Variants in ENPEP observed in about 807,000 individuals in gnomAD.
ENPEP encodes glutamyl aminopeptidase, also known as AP-A.
A neutral mutation model predicts 114.5 loss-of-function variants in ENPEP; 103 were observed. That is an observed-to-expected ratio of 0.90 (90% CI 0.77 to 1.06). The LOEUF (loss-of-function observed/expected upper bound fraction) is 1.06. ENPEP is among the 50% of genes least tolerant of loss of function. ENPEP has a pLI of 0.00. For synonymous variants in ENPEP, 420 were observed against 422.0 expected (o/e 1.00, Z 0.06); for missense variants, 1,196 against 1,161.3 (o/e 1.03, Z -0.43).
Position 110,505,142 on chromosome 4 carries a change from G to A in ENPEP, c.919-1495G>A, listed in dbSNP as rs117401965. ...AACGTGATGACTTTTATTTTAGACGGTTAATTCCCTTTACTCTGTTCAATG... is the reference window on the plus strand; with the variant it reads ...AACGTGATGACTTTTATTTTAGACGATTAATTCCCTTTACTCTGTTCAATG... On this transcript the variant is annotated intron_variant, in intron 3 of 19. Coordinates refer to ENST00000265162, the MANE Select transcript of ENPEP (RefSeq NM_001977.4). 3.4e-3 allele frequency among the ~76,000 whole-genome samples: 519 copies of A among 152,246 alleles called. 19 individuals are homozygous for A. The South Asian group carries it at 0.046, about 13-fold the overall frequency.
At chr4:110,558,042 T>A (rs1387280272) in intron 18 of ENPEP, among the ~76,000 whole-genome samples, 1 of 145,914 alleles carries the variant, frequency 6.9e-6, no homozygotes, top group Non-Finnish European at 1.5e-5. Flanking sequence ...ATTTTTTTTT[T>A]TTTTTGTATA....
intron 11 of ENPEP, chr4:110,533,420 CAAAAA>C (rs33956210): frequency 2.6e-4 from 31 of 121,374 alleles, no homozygotes; most frequent in South Asian, 5.0e-4. Context: ...AGTGCTGGAG[CAAAAA>C]AAAAAAAAAA....
chr4:110,511,345 A>C (rs552707705), intron 6 of ENPEP, among the ~76,000 whole-genome samples: 45 of 152,262 alleles, frequency 3.0e-4, no homozygotes, highest in African/African-American at 1.0e-3. Flanking sequence ...TGTGCGTTAT[A>C]GGATACTTAG....
At chr4:110,503,353 T>C (rs982764960) in intron 3 of ENPEP, among the ~76,000 whole-genome samples, 1 of 152,206 alleles carries the variant, frequency 6.6e-6, no homozygotes, top group African/African-American at 2.4e-5. Context: ...CATTATGAAA[T>C]TCCTGTAGTG....
chr4:110,479,402 A>G (rs1298976450), intron 1 of ENPEP, among the ~76,000 whole-genome samples: 1 of 152,198 alleles, frequency 6.6e-6, no homozygotes, highest in Non-Finnish European at 1.5e-5. Context: ...ATAACTATTT[A>G]TGGACATTTT....
chr4:110,499,842 A>G (rs889640081), intron 3 of ENPEP, among the ~76,000 whole-genome samples: 3 of 152,192 alleles, frequency 2.0e-5, no homozygotes, highest in African/African-American at 7.2e-5. Flanking sequence ...GGTAATTATC[A>G]GTGATGCAAA....
chr4:110,514,301 T>A (rs758420838), intron 7 of ENPEP, among the ~76,000 whole-genome samples: 2 of 152,036 alleles, frequency 1.3e-5, no homozygotes, highest in Non-Finnish European at 2.9e-5. Flanking sequence ...CTTATTTGAG[T>A]CAAAAATATT....
intron 18 of ENPEP, among the ~76,000 whole-genome samples, chr4:110,557,438 A>G (rs1727519477): frequency 6.6e-6 from 1 of 152,240 alleles, no homozygotes; most frequent in Admixed American, 6.5e-5. Flanking sequence ...GTATCATTAA[A>G]TGCGAGGGAC....
intron 1 of ENPEP, among the ~76,000 whole-genome samples, chr4:110,482,363 G>A (rs577174086): frequency 6.6e-6 from 1 of 152,288 alleles, no homozygotes; most frequent in South Asian, 2.1e-4. Context: ...ATTGATATTG[G>A]AAATAGGTGG....
chr4:110,537,590 T>C (rs562848457), intron 11 of ENPEP, among the ~76,000 whole-genome samples: 3 of 152,344 alleles, frequency 2.0e-5, no homozygotes, highest in Middle Eastern at 3.4e-3. Context: ...ACGGTTGCAA[T>C]CAATTTCTTC....
chr4:110,479,459 T>C (rs1204152721), intron 1 of ENPEP, among the ~76,000 whole-genome samples: 1 of 152,164 alleles, frequency 6.6e-6, no homozygotes, highest in African/African-American at 2.4e-5. Context: ...ACTACCTGTG[T>C]ATAAATGCAT....
rs987285354 is a variant in ENPEP at position 110,549,219 on chromosome 4, G to A, written c.2152-127G>A. ...AAAATTAAATACATTGTTTTTCTAA[G>A]GACAAGCGCAAAGTTCTCTGAATTA... is the stretch of plus-strand genomic sequence containing the variant. On this transcript the variant is annotated intron_variant, in intron 14 of 19. Transcript: ENST00000265162. The A allele has an allele frequency of 4.0e-6, 3 of 751,140 alleles. No homozygotes were observed. In the African/African-American group the frequency reaches 5.4e-5, roughly 13 times the overall value. The allele number at this position is 751,140 out of a possible 1,614,324, so 46.5% of individuals were successfully genotyped here. A position where few individuals can be genotyped will look rare whatever the true frequency, so the allele number is the denominator to read the frequency against.
chr4:110,505,069 G>A (rs907063540), intron 3 of ENPEP, among the ~76,000 whole-genome samples: 1 of 152,210 alleles, frequency 6.6e-6, no homozygotes, highest in African/African-American at 2.4e-5. Flanking sequence ...TTAGTTCACA[G>A]AAGAAAAATT....
intron 3 of ENPEP, among the ~76,000 whole-genome samples, chr4:110,492,188 A>C (rs1724749646): frequency 1.3e-5 from 2 of 152,164 alleles, no homozygotes; most frequent in Non-Finnish European, 1.5e-5. Context: ...CATCTTTGCA[A>C]TATAATTTTA....
At chr4:110,560,945 G>A (rs1280231261) in intron 19 of ENPEP, among the ~76,000 whole-genome samples, 1 of 152,038 alleles carries the variant, frequency 6.6e-6, no homozygotes, top group Non-Finnish European at 1.5e-5. Context: ...GGAGGTCAGA[G>A]GGAGTACAGC....
At chr4:110,481,357 G>A (rs186310287) in intron 1 of ENPEP, among the ~76,000 whole-genome samples, 3 of 151,642 alleles carry the variant, frequency 2.0e-5, no homozygotes, top group Non-Finnish European at 2.9e-5. Context: ...TCAGCTTTCC[G>A]AGTAGCTGGG....
intron 10 of ENPEP, among the ~76,000 whole-genome samples, chr4:110,529,170 T>G (rs1726309918): frequency 6.6e-6 from 1 of 152,160 alleles, no homozygotes; most frequent in Non-Finnish European, 1.5e-5. Flanking sequence ...TAGGAAACCT[T>G]AACTGTGGGC....
At chr4:110,496,970 GA>G (rs564250768) in intron 3 of ENPEP, among the ~76,000 whole-genome samples, 226 of 152,318 alleles carry the variant, frequency 1.5e-3, no homozygotes, top group African/African-American at 5.2e-3. Flanking sequence ...CACCCAAGGG[GA>G]AGAGAGTTAA....
At chr4:110,511,011 A>C (rs1008688186) in intron 6 of ENPEP, among the ~76,000 whole-genome samples, 1 of 151,948 alleles carries the variant, frequency 6.6e-6, no homozygotes, top group Non-Finnish European at 1.5e-5. Context: ...GAACCCTAAA[A>C]TTTTTTTTCA....
Sources: allele counts gnomAD v4.1 joint callset (sites outside exome capture counted in the v4.1 genomes callset), GRCh38; gene constraint gnomAD v4.1.1; transcripts MANE v1.5; gene names NCBI Gene and HGNC (gene_info 2026-07-23, HGNC 2026-07-21).